Variants in ZNF610 observed in about 807,000 individuals in gnomAD.
The protein encoded by ZNF610 is zinc finger protein 610.
In ZNF610, 14 loss-of-function variants were observed where a neutral mutation model predicts 14.1. The observed-to-expected ratio is 0.99, with a 90% CI of 0.65 to 1.55. ZNF610 has a LOEUF of 1.55. Among genes scored for constraint, ZNF610 ranks in the 40% most tolerant of loss-of-function variants. The pLI, the probability that ZNF610 is intolerant of heterozygous loss-of-function variation, is 0.00. For missense variants in ZNF610, 530 were observed against 558.0 expected, an observed-to-expected ratio of 0.95 and a Z score of 0.51; for synonymous variants, 185 against 187.6, an observed-to-expected ratio of 0.99 and a Z score of 0.11.
At chr19:52,358,293 C>A (rs1429159694) in intron 5 of ZNF610, among the ~76,000 whole-genome samples, 1 of 152,176 alleles carries the variant, frequency 6.6e-6, no homozygotes, top group Non-Finnish European at 1.5e-5. Flanking sequence ...AAGCGATTCT[C>A]CTGCCTCAGC....
intron 5 of ZNF610, among the ~76,000 whole-genome samples, chr19:52,359,705 G>A (rs545273935): frequency 6.6e-6 from 1 of 152,068 alleles, no homozygotes; most frequent in Admixed American, 6.6e-5. Context: ...ATCAAGCAAC[G>A]GACAAGAGCT....
intron 5 of ZNF610, among the ~76,000 whole-genome samples, chr19:52,361,571 G>GTTGT (rs112221345): frequency 0.2 from 29,660 of 151,566 alleles, 3,002 homozygotes; most frequent in East Asian, 0.25. Flanking sequence ...TTTTTGTTTT[G>GTTGT]TTGTTTATCT....
upstream of ZNF610, among the ~76,000 whole-genome samples, chr19:52,333,782 C>G (rs1258098212): frequency 4.6e-5 from 7 of 152,180 alleles, no homozygotes; most frequent in African/African-American, 1.7e-4. Flanking sequence ...ATGCTGTGCC[C>G]TTCTCAGAAA....
In ZNF610 at chr19:52,366,682, A is replaced by G. The variant is rs778822405; in HGVS notation, c.1304A>G (p.Lys435Arg). 1.2e-6 allele frequency: 2 copies of G among 1,614,268 alleles called. No homozygotes were observed. The highest frequency in any genetic ancestry group is 4.5e-5 in the East Asian group (2 of 44,888). ...ERPYKCNACG[K>R]VFNQNPHLSR... is the part of the protein sequence containing the mutation. ...CCTTACAAGTGTAATGCATGTGGCA[A>G]GGTCTTCAATCAAAATCCACACCTT... The change falls in exon 6 of 6, where the codon AAG becomes AGG. Residue 435 changes from lysine (K) to arginine (R), a missense_variant. Transcript: ENST00000403906.
intron 1 of ZNF610, among the ~76,000 whole-genome samples, chr19:52,339,471 G>A (rs1350323116): frequency 6.6e-6 from 1 of 152,038 alleles, no homozygotes; most frequent in Non-Finnish European, 1.5e-5. Context: ...ACTCGAGACT[G>A]GAGAATGGCG....
At position 52,366,531 on chromosome 19, in the gene ZNF610, C is replaced by G. The variant is rs1458030113; in HGVS notation, c.1153C>G (p.Pro385Ala). 2 of 1,613,916 alleles carry G rather than the reference C, an allele frequency of 1.2e-6. No homozygotes were observed. The highest frequency in any genetic ancestry group is 2.7e-5 in the African/African-American group (2 of 74,878). ...NECGRAFHKR[P>A]GLMAHLLIHT... ...ATGTGGAAGAGCATTTCACAAGCGT[C>G]CGGGCCTTATGGCCCATCTTCTAAT... is the stretch of plus-strand genomic sequence containing the variant. Residue 385 changes from proline to alanine, a missense_variant, in exon 6 of 6, where the codon CCG (proline) becomes GCG (alanine). Pro to Ala is a conservative substitution (Grantham distance 27, BLOSUM62 -1). Transcript: ENST00000403906.
chr19:52,338,109 G>A (rs1168855797), intron 1 of ZNF610, among the ~76,000 whole-genome samples: 3 of 152,222 alleles, frequency 2.0e-5, no homozygotes, highest in African/African-American at 7.2e-5. Context: ...TCTATGTGGA[G>A]TTAGCCTCAG....
chr19:52,351,309 A>C (rs1195708665), intron 3 of ZNF610, among the ~76,000 whole-genome samples: 1 of 151,926 alleles, frequency 6.6e-6, no homozygotes, highest in Non-Finnish European at 1.5e-5. Context: ...ATACAAAATT[A>C]GCCTGGTGTG....
chr19:52,353,872 G>C (rs781301259), intron 4 of ZNF610, 64 bp downstream of exon 4: 2 of 1,545,004 alleles, frequency 1.3e-6, no homozygotes, highest in Non-Finnish European at 1.7e-6. Context: ...TTTCTCTTGC[G>C]TGCCTCTTGG....
At chr19:52,355,992 G>A (rs1985505402) in intron 5 of ZNF610, among the ~76,000 whole-genome samples, 1 of 152,100 alleles carries the variant, frequency 6.6e-6, no homozygotes. Context: ...CTAGTGGGTG[G>A]GGCTGACAGT....
intron 5 of ZNF610, among the ~76,000 whole-genome samples, chr19:52,359,144 T>C (rs1229842748): frequency 6.6e-6 from 1 of 152,226 alleles, no homozygotes; most frequent in African/African-American, 2.4e-5. Flanking sequence ...TGATTTCATA[T>C]TAATTTTAGG....
Position 52,336,361 on chromosome 19 carries a change from A to C in ZNF610, c.-403A>C, listed in dbSNP as rs1400783363. 3.7e-6 allele frequency: 1 copy of C among 268,036 alleles called. No individual in the cohort carries two copies. The highest frequency in any genetic ancestry group is 7.0e-6 in the Non-Finnish European group (1 of 142,472). 16.6% of individuals were successfully genotyped at this position (268,036 alleles called of 1,614,324 possible). ...CGCGCTTCTGTACCCGGGATCTGAG[A>C]GTCAACACAGACCTTGAAATCCCCG... is the stretch of plus-strand genomic sequence containing the variant. On this transcript the variant is annotated 5_prime_UTR_variant, in exon 1 of 6. Transcript: ENST00000403906.
Position 52,366,687 on chromosome 19 carries a change from T to A in ZNF610, c.1309T>A (p.Phe437Ile), listed in dbSNP as rs1211896969. 6.2e-7 allele frequency: 1 copy of A among 1,614,238 alleles called. No individual in the cohort carries two copies. Among genetic ancestry groups the A allele is most frequent in the South Asian group, 1.1e-5 (1 of 91,088 alleles). ...CAAGTGTAATGCATGTGGCAAGGTC[T>A]TCAATCAAAATCCACACCTTTCACG... ...PYKCNACGKV[F>I]NQNPHLSRHR... Residue 437 changes from phenylalanine to isoleucine, a missense_variant, in exon 6 of 6, where the codon TTC becomes ATC. Phe to Ile is a conservative substitution (Grantham distance 21). Transcript: ENST00000403906.
upstream of ZNF610, among the ~76,000 whole-genome samples, chr19:52,334,859 G>A (rs1352467555): frequency 6.6e-6 from 1 of 150,608 alleles, no homozygotes; most frequent in Non-Finnish European, 1.5e-5. Flanking sequence ...AACCGGGGAG[G>A]CAGAGGCTAC....
intron 1 of ZNF610, among the ~76,000 whole-genome samples, chr19:52,340,026 G>T (rs933576872): frequency 3.3e-5 from 5 of 152,162 alleles, no homozygotes; most frequent in Non-Finnish European, 5.9e-5. Context: ...TTTAACCCGT[G>T]GAATCTGTGC....
chr19:52,354,192 A>G (rs746493571), intron 4 of ZNF610, 59 bp from the exon 5 acceptor site: 13 of 1,597,916 alleles, frequency 8.1e-6, no homozygotes, highest in African/African-American at 8.1e-5. Flanking sequence ...TTACCTAAAC[A>G]CAGGGTTTGG....
chr19:52,366,658 C>T lies in ZNF610; in HGVS notation c.1280C>T (p.Pro427Leu), dbSNP rs924681774. The T allele has an allele frequency of 1.9e-6, 3 of 1,614,176 alleles. No homozygotes were observed. The highest frequency in any genetic ancestry group is 2.5e-6 in the Non-Finnish European group (3 of 1,180,014). Reference protein sequence around the residue: ...NHQRIHTGERPYKCNACGKVF... With the variant: ...NHQRIHTGERLYKCNACGKVF... ...CAGAGAATTCATACTGGAGAGAGAC[C>T]TTACAAGTGTAATGCATGTGGCAAG... Residue 427 changes from proline to leucine, a missense_variant, in exon 6 of 6, where the codon CCT (proline) becomes CTT (leucine). Coordinates refer to ENST00000403906, the MANE Select transcript of ZNF610 (RefSeq NM_001161425.2).
At chr19:52,356,811 C>T (rs321944) in intron 5 of ZNF610, among the ~76,000 whole-genome samples, 135 of 152,224 alleles carry the variant, frequency 8.9e-4, no homozygotes, top group African/African-American at 3.1e-3. Context: ...ACTGACTTGC[C>T]GTAATTTGTT....
At chr19:52,343,511 G>A (rs550997523) in intron 1 of ZNF610, among the ~76,000 whole-genome samples, 86 of 152,146 alleles carry the variant, frequency 5.7e-4, no homozygotes, top group Middle Eastern at 6.8e-3. Context: ...AGGTTGCAGC[G>A]AGCCGATATC....
Sources: gnomAD v4.1 joint callset for allele counts (sites outside exome capture counted in the v4.1 genomes callset) on GRCh38, gnomAD v4.1.1 for gene constraint, MANE v1.5 for transcripts, NCBI Gene and HGNC (gene_info 2026-07-23, HGNC 2026-07-21) for gene names.